The following TRERF1 variants were observed in gnomAD, a reference collection of about 807,000 sequenced individuals.
TRERF1 encodes the protein transcriptional-regulating factor 1.
In TRERF1, 27 loss-of-function variants were observed where a neutral mutation model predicts 122.9. The observed-to-expected ratio is 0.22, with a 90% CI of 0.16 to 0.30. The LOEUF is 0.30. TRERF1 is among the 10% of genes least tolerant of loss of function. The pLI is 1.00. For synonymous variants in TRERF1, 636 were observed against 641.7 expected (o/e 0.99, Z 0.13); for missense variants, 1,248 against 1,560.3 (o/e 0.80, Z 3.37).
chr6:42,284,167 G>A (rs899461423), intron 4 of TRERF1, among the ~76,000 whole-genome samples: 1 of 152,060 alleles, frequency 6.6e-6, no homozygotes, highest in East Asian at 1.9e-4. Flanking sequence ...AGGAATTGTA[G>A]TGCAGCATCC....
chr6:42,347,917 G>T (rs1193805623), intron 3 of TRERF1, among the ~76,000 whole-genome samples: 1 of 152,202 alleles, frequency 6.6e-6, no homozygotes, highest in East Asian at 1.9e-4. Context: ...TTTCCAGGCA[G>T]GAAGAACATA....
chr6:42,289,112 T>C lies in TRERF1; in HGVS notation c.-259+11526A>G, dbSNP rs139590837. On this transcript the variant is annotated intron_variant, in intron 4 of 17. Transcript: ENST00000372922. The stretch of plus-strand genomic sequence containing the variant: ...GCCAAGGCAGGTGGATCATTTGAGG[T>C]CGAGAGTTCAAGATCAACCTGGCCA... 2.4e-4 allele frequency among the ~76,000 whole-genome samples: 36 copies of C among 151,938 alleles called. No homozygotes were observed. In the East Asian group the frequency reaches 5.6e-3, roughly 24 times the overall value.
chr6:42,308,870 A>G (rs993345507), intron 3 of TRERF1, among the ~76,000 whole-genome samples: 17 of 152,168 alleles, frequency 1.1e-4, no homozygotes, highest in African/African-American at 3.6e-4. Flanking sequence ...AATAATCTGT[A>G]TAACAAACTC....
intron 2 of TRERF1, among the ~76,000 whole-genome samples, chr6:42,380,293 G>C (rs765379435): frequency 2.6e-4 from 39 of 152,278 alleles, no homozygotes; most frequent in Admixed American, 8.5e-4. Flanking sequence ...CCTTTTCTCT[G>C]GGGGAGATGG....
At position 42,337,552 on chromosome 6, in the gene TRERF1, C is replaced by T. The variant is rs111283151; in HGVS notation, c.-371+25445G>A. ...AGGCAGCCACGCTCAAACCACTATC[C>T]GGAGGCAAAATGAGCCACAGACAGG... On this transcript the variant is annotated intron_variant, in intron 3 of 17. Transcript: ENST00000372922. Among the ~76,000 whole-genome samples, 447 of 152,234 alleles carry T rather than the reference C, an allele frequency of 2.9e-3. 1 individual carries two copies. Among genetic ancestry groups the T allele is most frequent in the African/African-American group, 9.8e-3 (409 of 41,562 alleles).
At chr6:42,282,407 G>T (rs955804042) in intron 4 of TRERF1, among the ~76,000 whole-genome samples, 19 of 152,178 alleles carry the variant, frequency 1.2e-4, no homozygotes, top group African/African-American at 4.6e-4. Flanking sequence ...AATCAGCCAG[G>T]TGTGGTGGTG....
chr6:42,249,924 G>C (rs530385783), intron 13 of TRERF1, among the ~76,000 whole-genome samples: 14 of 152,348 alleles, frequency 9.2e-5, no homozygotes, highest in African/African-American at 3.4e-4. Context: ...GAGGCTGAGA[G>C]TCCATCCCTG....
chr6:42,315,070 G>T (rs186771377), intron 3 of TRERF1, among the ~76,000 whole-genome samples: 20 of 152,282 alleles, frequency 1.3e-4, no homozygotes, highest in Non-Finnish European at 2.6e-4. Flanking sequence ...AGGGATGAGC[G>T]TGCATGTGGC....
chr6:42,388,580 A>G (rs556545348), intron 2 of TRERF1, among the ~76,000 whole-genome samples: 1 of 152,206 alleles, frequency 6.6e-6, no homozygotes, highest in Non-Finnish European at 1.5e-5. Flanking sequence ...AGTTACCACC[A>G]CCTAGAACAC....
At chr6:42,418,526 C>T (rs1254171164) in intron 2 of TRERF1, among the ~76,000 whole-genome samples, 1 of 152,106 alleles carries the variant, frequency 6.6e-6, no homozygotes, top group African/African-American at 2.4e-5. Context: ...CCGCCTCAGC[C>T]TCCCAAAGTG....
chr6:42,233,087 AAACCTC>A (rs538102113), intron 16 of TRERF1, among the ~76,000 whole-genome samples, 159 bp from the exon 17 acceptor site: 321 of 152,264 alleles, frequency 2.1e-3, no homozygotes, highest in Non-Finnish European at 3.7e-3. Flanking sequence ...GTGCCAATCA[AAACCTC>A]ATCACTGCTA....
chr6:42,266,217 C>T (rs1166656653), intron 5 of TRERF1, among the ~76,000 whole-genome samples: 1 of 139,698 alleles, frequency 7.2e-6, no homozygotes, highest in Non-Finnish European at 1.5e-5. Flanking sequence ...GAGACAGGGT[C>T]TTGCTCTGTC....
chr6:42,277,870 A>AGAAG (rs1554141559), intron 4 of TRERF1, among the ~76,000 whole-genome samples: 3 of 129,708 alleles, frequency 2.3e-5, no homozygotes, highest in Non-Finnish European at 1.6e-5. Flanking sequence ...GGAAGAAGGA[A>AGAAG]GAAGAAGGAA....
In TRERF1 at chr6:42,268,379, G is replaced by A. The variant is rs1561869337; in HGVS notation, c.1212C>T (p.Asp404=). Residue 404 remains aspartate (D), a synonymous_variant, in exon 5 of 18, where the codon GAC becomes GAT. Coordinates refer to ENST00000372922, the Ensembl canonical transcript of TRERF1. This position sits in a 1 kb window ranked among gnomAD's most constrained non-coding sequence, Gnocchi z 4.4. The stretch of plus-strand genomic sequence containing the variant: ...CACTAGAGTAGGTCTTCAGCTGACT[G>A]TCCTCACGCTGCTGGTGCTGGGACA... 1 of 1,538,808 alleles carries A rather than the reference G, an allele frequency of 6.5e-7. No homozygotes were observed. The highest frequency in any genetic ancestry group is 1.3e-5 in the South Asian group (1 of 77,698).
At chr6:42,424,664 A>G (rs751681283) in intron 2 of TRERF1, among the ~76,000 whole-genome samples, 2 of 152,160 alleles carry the variant, frequency 1.3e-5, no homozygotes, top group Non-Finnish European at 1.5e-5. Context: ...ATAATGTCCT[A>G]TCTCCTCTTC....
intron 2 of TRERF1, among the ~76,000 whole-genome samples, chr6:42,378,931 C>G (rs1483252986): frequency 6.6e-6 from 1 of 152,012 alleles, no homozygotes; most frequent in Non-Finnish European, 1.5e-5. Flanking sequence ...GCCTGGACAA[C>G]ATAGTAAGAC....
At chr6:42,294,250 C>T (rs901352478) in intron 4 of TRERF1, among the ~76,000 whole-genome samples, 4 of 143,692 alleles carry the variant, frequency 2.8e-5, no homozygotes, top group African/African-American at 1.0e-4. Context: ...GGTGCAATCT[C>T]AGCTCACTGC....
At chr6:42,303,457 G>C (rs1393426768) in intron 3 of TRERF1, among the ~76,000 whole-genome samples, 1 of 152,192 alleles carries the variant, frequency 6.6e-6, no homozygotes, top group African/African-American at 2.4e-5. Context: ...AAGATAGAGA[G>C]CAAGGGTGCT....
At chr6:42,279,066 G>T (rs1248601711) in intron 4 of TRERF1, among the ~76,000 whole-genome samples, 1 of 152,188 alleles carries the variant, frequency 6.6e-6, no homozygotes, top group African/African-American at 2.4e-5. Context: ...GGACCCCAAG[G>T]AATGTCACAA....
Sources: allele counts gnomAD v4.1 joint callset (sites outside exome capture counted in the v4.1 genomes callset), GRCh38; gene constraint gnomAD v4.1.1; non-coding constraint Gnocchi (gnomAD v3.1); transcripts MANE v1.5; gene names NCBI Gene and HGNC (gene_info 2026-07-23, HGNC 2026-07-21).